The following GTF2B variants were observed in gnomAD, a reference collection of about 807,000 sequenced individuals.
GTF2B encodes general transcription factor IIB, also known as transcription initiation factor IIB.
A neutral mutation model predicts 34.6 loss-of-function variants in GTF2B; 20 were observed. The ratio of observed to expected loss-of-function variants is 0.58; its 90% CI spans 0.41 to 0.84. The LOEUF (loss-of-function observed/expected upper bound fraction) is 0.84. Among genes scored for constraint, GTF2B ranks in the 40% least tolerant of loss-of-function variants. The pLI, the probability that GTF2B is intolerant of heterozygous loss-of-function variation, is 0.00. For missense variants in GTF2B, 237 were observed against 393.3 expected (o/e 0.60, Z 3.36); for synonymous variants, 142 against 132.4 (o/e 1.07, Z -0.50).
Position 88,853,106 on chromosome 1 carries a change from C to T in GTF2B, c.*107G>A. The T allele has an allele frequency of 1.0e-6, 1 of 955,278 alleles. No individual in the cohort carries two copies. The highest frequency in any genetic ancestry group is 1.6e-5 in the African/African-American group (1 of 62,120). 59.2% of individuals were successfully genotyped at this position (955,278 alleles called of 1,614,324 possible). ...ATAGTATTCAGCCCTGGAATGCGTACCATGTCTTTTGTTTTTCCTCATGAA... is the reference window on the plus strand; with the variant it reads ...ATAGTATTCAGCCCTGGAATGCGTATCATGTCTTTTGTTTTTCCTCATGAA... On this transcript the variant is annotated 3_prime_UTR_variant, in exon 7 of 7. Coordinates refer to ENST00000370500, the MANE Select transcript of GTF2B (RefSeq NM_001514.6).
At chr1:88,881,837 C>T (rs1673947377) in intron 2 of GTF2B, among the ~76,000 whole-genome samples, 1 of 151,934 alleles carries the variant, frequency 6.6e-6, no homozygotes, top group African/African-American at 2.4e-5. Context: ...AATTAACTTC[C>T]TTTGGTTTGA....
At chr1:88,890,217 A>C (rs1674168918) in intron 1 of GTF2B, among the ~76,000 whole-genome samples, 1 of 152,020 alleles carries the variant, frequency 6.6e-6, no homozygotes, top group South Asian at 2.1e-4. Flanking sequence ...GGGGAGCCCA[A>C]GTTTTCCATT....
rs187838150 is a variant in GTF2B at position 88,876,196 on chromosome 1, T to C, written c.124+11065A>G. 5.3e-5 allele frequency among the ~76,000 whole-genome samples: 8 copies of C among 152,334 alleles called. No homozygotes were observed. The East Asian group carries it at 1.4e-3, about 26-fold the overall frequency. Reference sequence around the variant, plus strand: ...GGCCATATTAAATGAAACCTGATTTTTTCCTTTAGGAAACACTGTTAATGC... The same window carrying C: ...GGCCATATTAAATGAAACCTGATTTCTTCCTTTAGGAAACACTGTTAATGC... On this transcript the variant is annotated intron_variant, in intron 2 of 6. Transcript: ENST00000370500.
At chr1:88,878,625 T>C (rs1007835994) in intron 2 of GTF2B, among the ~76,000 whole-genome samples, 6 of 152,232 alleles carry the variant, frequency 3.9e-5, no homozygotes, top group Admixed American at 1.3e-4. Context: ...CTCGTCAGTA[T>C]CAAGTTTAGG....
chr1:88,888,116 A>T (rs1013612706), intron 1 of GTF2B: 1 of 152,250 alleles, frequency 6.6e-6, no homozygotes, highest in Non-Finnish European at 1.5e-5. Flanking sequence ...ATGACCTCAC[A>T]ATCATAAATT....
intron 1 of GTF2B, among the ~76,000 whole-genome samples, chr1:88,891,120 C>CGGGGG (rs36020480): frequency 7.7e-4 from 5 of 6,482 alleles, no homozygotes; most frequent in Admixed American, 2.0e-3. Flanking sequence ...AAAAAACAAG[C>CGGGGG]GGGGGGGGGG....
At chr1:88,866,435 G>A (rs1673561395) in intron 2 of GTF2B, among the ~76,000 whole-genome samples, 1 of 151,950 alleles carries the variant, frequency 6.6e-6, no homozygotes, top group Non-Finnish European at 1.5e-5. Context: ...TTCAGACAGG[G>A]TCTCACTCTG....
chr1:88,872,808 G>A (rs1300808236), intron 2 of GTF2B, among the ~76,000 whole-genome samples: 2 of 152,024 alleles, frequency 1.3e-5, no homozygotes, highest in African/African-American at 4.8e-5. Context: ...GTTTTATTGT[G>A]TTTGTCTCCT....
At position 88,853,072 on chromosome 1, in the gene GTF2B, T is replaced by C; in HGVS notation, c.*141A>G. 1 of 746,200 alleles carries C rather than the reference T, an allele frequency of 1.3e-6. No individual in the cohort carries two copies. The allele number at this position is 746,200 out of a possible 1,614,324, so 46.2% of individuals were successfully genotyped here. On this transcript the variant is annotated 3_prime_UTR_variant, in exon 7 of 7. Coordinates refer to ENST00000370500, the MANE Select transcript of GTF2B (RefSeq NM_001514.6). ...GTTTCACTAGTATATACATACAGAA[T>C]GCCAAGCAATAGTATTCAGCCCTGG...
chr1:88,861,391 G>A (rs577581886), intron 3 of GTF2B, among the ~76,000 whole-genome samples: 5 of 152,340 alleles, frequency 3.3e-5, no homozygotes, highest in South Asian at 2.1e-4. Context: ...CAGGCCAGGC[G>A]CAGTGGCCCA....
chr1:88,887,925 A>G (rs896284519), intron 1 of GTF2B: 2 of 152,388 alleles, frequency 1.3e-5, no homozygotes, highest in African/African-American at 4.8e-5. Flanking sequence ...TGAATTTATC[A>G]TTCAAGAAAT....
chr1:88,860,080 T>C, intron 4 of GTF2B, 60 bp downstream of exon 4: 1 of 1,608,954 alleles, frequency 6.2e-7, no homozygotes, highest in South Asian at 1.1e-5. Context: ...ATTTCATGTG[T>C]TCATTAAATT....
chr1:88,853,578 G>A (rs560046014), intron 6 of GTF2B, among the ~76,000 whole-genome samples: 1 of 152,214 alleles, frequency 6.6e-6, no homozygotes, highest in African/African-American at 2.4e-5. Flanking sequence ...GCCGAGGCGG[G>A]TGGATCACCA....
At chr1:88,882,310 C>CAAAAAAAAAAAAAAAAAA (rs59699371) in intron 2 of GTF2B, among the ~76,000 whole-genome samples, 1 of 36,016 alleles carries the variant, frequency 2.8e-5, no homozygotes, top group African/African-American at 8.1e-5. Context: ...ACTCTCACTC[C>CAAAAAAAAAAAAAAAAAA]AAAAAAAAAA....
intron 6 of GTF2B, among the ~76,000 whole-genome samples, 181 bp from the exon 7 acceptor site, chr1:88,853,527 G>A (rs775406141): frequency 9.9e-5 from 15 of 152,118 alleles, no homozygotes; most frequent in African/African-American, 1.4e-4. Flanking sequence ...GAGCTAGGCC[G>A]GGCGCAGTGG....
At chr1:88,873,652 T>C (rs1316886776) in intron 2 of GTF2B, among the ~76,000 whole-genome samples, 1 of 152,240 alleles carries the variant, frequency 6.6e-6, no homozygotes, top group Non-Finnish European at 1.5e-5. Context: ...TTCTATCTTT[T>C]TGATAAGTTA....
At chr1:88,853,432 G>T in intron 6 of GTF2B, 86 bp from the exon 7 acceptor site, 1 of 1,208,778 alleles carries the variant, frequency 8.3e-7, no homozygotes, top group Non-Finnish European at 1.2e-6. Context: ...AGATATGATA[G>T]TATAAAGTGC....
rs180842905 is a variant in GTF2B at position 88,866,522 on chromosome 1, C to T, written c.125-2408G>A. Among the ~76,000 whole-genome samples, 76 of 152,276 alleles carry T rather than the reference C, an allele frequency of 5.0e-4. No homozygotes were observed. The Middle Eastern group carries it at 0.014, about 27-fold the overall frequency. On this transcript the variant is annotated intron_variant, in intron 2 of 6. Transcript: ENST00000370500. The stretch of plus-strand genomic sequence containing the variant: ...CTCTGGGGCTCAAGCAATACTTCCA[C>T]CTTAGCCTCCTGAGCAGCTACAGAT...
intron 1 of GTF2B, among the ~76,000 whole-genome samples, chr1:88,891,272 G>C (rs1057167462): frequency 4.6e-5 from 7 of 152,210 alleles, no homozygotes; most frequent in Non-Finnish European, 1.0e-4. Context: ...TAAGACTCCA[G>C]GGCAATAACG....
Sources: allele counts gnomAD v4.1 joint callset (sites outside exome capture counted in the v4.1 genomes callset), GRCh38; gene constraint gnomAD v4.1.1; transcripts MANE v1.5; gene names NCBI Gene and HGNC (gene_info 2026-07-23, HGNC 2026-07-21).